The following MTMR7 variants were observed in gnomAD, a reference collection of about 807,000 sequenced individuals.
The protein encoded by MTMR7 is phosphatidylinositol-3-phosphate phosphatase MTMR7.
MTMR7 carries 76 observed loss-of-function variants against 81.2 expected under a neutral mutation model. That is an observed-to-expected ratio of 0.94 (90% CI 0.78 to 1.13). The LOEUF (loss-of-function observed/expected upper bound fraction) is 1.13. Ranked by LOEUF, MTMR7 falls within the 50% of genes most tolerant of loss-of-function variation. MTMR7 has a pLI of 0.00. For missense variants in MTMR7, 1,044 were observed against 820.0 expected, an observed-to-expected ratio of 1.27 and a Z score of -3.34; for synonymous variants, 372 against 289.8, an observed-to-expected ratio of 1.28 and a Z score of -2.88.
rs1216154048 is a variant in MTMR7, at chr8:17,408,313, C to T, written c.24+4956G>A. Among the ~76,000 whole-genome samples, 2 of 65,674 alleles carry T rather than the reference C, an allele frequency of 3.0e-5. 1 individual carries two copies. Among genetic ancestry groups the T allele is most frequent in the Non-Finnish European group, 8.8e-5 (2 of 22,828 alleles). 43.1% of individuals were successfully genotyped at this position (65,674 alleles called of 152,430 possible). On this transcript the variant is annotated intron_variant, in intron 1 of 13. Coordinates refer to ENST00000180173, the MANE Select transcript of MTMR7 (RefSeq NM_004686.5). ...CTGAGGCAGGAGAATGGCGTGAACC[C>T]GGGAGGCGGAGCTTGCAGTGAGCCG...
chr8:17,342,858 A>G (rs1819443807), intron 5 of MTMR7, among the ~76,000 whole-genome samples: 1 of 152,020 alleles, frequency 6.6e-6, no homozygotes, highest in African/African-American at 2.4e-5. Flanking sequence ...TGGGGAGGAG[A>G]AAAAGATCAA....
At chr8:17,334,232 G>C (rs1819151198) in intron 6 of MTMR7, among the ~76,000 whole-genome samples, 1 of 152,166 alleles carries the variant, frequency 6.6e-6, no homozygotes, top group Admixed American at 6.5e-5. Context: ...TGTAGCAAAA[G>C]CTGAACCCTC....
chr8:17,402,626 T>C (rs1026085530), intron 1 of MTMR7, among the ~76,000 whole-genome samples: 4 of 152,206 alleles, frequency 2.6e-5, no homozygotes, highest in Non-Finnish European at 4.4e-5. Context: ...TACTCCATTG[T>C]ATATATGTAC....
chr8:17,364,021 A>T (rs868055755), intron 3 of MTMR7, among the ~76,000 whole-genome samples: 4,302 of 69,634 alleles, frequency 0.062, 230 homozygotes, highest in African/African-American at 0.15. Flanking sequence ...TGTTGCTATT[A>T]TTTTTTTTTT....
Position 17,333,447 on chromosome 8 carries a change from T to A in MTMR7, c.733-2165A>T, listed in dbSNP as rs372064659. ...ATCATAAATAAAATTAATAGGAGAT[T>A]TGAAAGTATCCTTACGTGACATGAA... On this transcript the variant is annotated intron_variant, in intron 6 of 13. Transcript: ENST00000180173. Among the ~76,000 whole-genome samples the A allele has an allele frequency of 2.0e-5, 3 of 152,218 alleles. No homozygotes were observed. The South Asian group carries it at 6.2e-4, about 32-fold the overall frequency.
intron 7 of MTMR7, among the ~76,000 whole-genome samples, chr8:17,319,173 C>T (rs1023276826): frequency 6.6e-6 from 1 of 152,224 alleles, no homozygotes; most frequent in African/African-American, 2.4e-5. Context: ...GACACAGCTG[C>T]ACTCAAACTC....
At chr8:17,320,298 A>C (rs1222658251) in intron 7 of MTMR7, among the ~76,000 whole-genome samples, 1 of 152,194 alleles carries the variant, frequency 6.6e-6, no homozygotes, top group Non-Finnish European at 1.5e-5. Flanking sequence ...AAAAGTCTTC[A>C]AACATTTTTG....
intron 4 of MTMR7, among the ~76,000 whole-genome samples, chr8:17,351,960 G>A (rs1470285004): frequency 6.6e-6 from 1 of 152,142 alleles, no homozygotes; most frequent in African/African-American, 2.4e-5. Flanking sequence ...AAAGACACAA[G>A]TAAATGGTAA....
intron 5 of MTMR7, 64 bp from the exon 6 acceptor site, chr8:17,341,561 CGT>C (rs1362549253): frequency 8.3e-6 from 13 of 1,561,976 alleles, no homozygotes; most frequent in Middle Eastern, 3.8e-4. Flanking sequence ...AGACACTCTA[CGT>C]GTGTCTCCAG....
chr8:17,375,050 C>A (rs1296511631), intron 1 of MTMR7, among the ~76,000 whole-genome samples: 10 of 152,160 alleles, frequency 6.6e-5, no homozygotes, highest in Non-Finnish European at 1.3e-4. Context: ...GATCGCACCA[C>A]TGCACCCCAG....
chr8:17,306,053 C>A (rs1289662763), intron 10 of MTMR7, 96 bp from the exon 11 acceptor site: 5 of 901,874 alleles, frequency 5.5e-6, no homozygotes, highest in African/African-American at 1.7e-5. Flanking sequence ...ACCCTAGTTC[C>A]TAAATAAATC....
At chr8:17,369,792 C>A (rs1022441960) in intron 3 of MTMR7, among the ~76,000 whole-genome samples, 2 of 151,784 alleles carry the variant, frequency 1.3e-5, no homozygotes, top group African/African-American at 4.8e-5. Context: ...ACTACAGGCG[C>A]ACACTGCCAC....
intron 7 of MTMR7, among the ~76,000 whole-genome samples, chr8:17,323,208 C>A (rs527524444): frequency 1.6e-4 from 24 of 151,958 alleles, no homozygotes; most frequent in Admixed American, 3.3e-4. Context: ...CAGCCTCCCA[C>A]AGTGCTGAGA....
At chr8:17,347,705 C>G (rs1315529877) in intron 5 of MTMR7, among the ~76,000 whole-genome samples, 1 of 152,178 alleles carries the variant, frequency 6.6e-6, no homozygotes, top group Non-Finnish European at 1.5e-5. Context: ...GTGCCAAAGA[C>G]CATTCTTGCT....
chr8:17,359,957 T>C (rs1554514297), intron 4 of MTMR7, among the ~76,000 whole-genome samples: 1 of 152,098 alleles, frequency 6.6e-6, no homozygotes, highest in African/African-American at 2.4e-5. Context: ...TGCTATCTTT[T>C]AAAAAAATTA....
intron 7 of MTMR7, among the ~76,000 whole-genome samples, chr8:17,315,918 T>C (rs1161893496): frequency 6.6e-6 from 1 of 152,148 alleles, no homozygotes; most frequent in African/African-American, 2.4e-5. Context: ...GAGGCTGAGT[T>C]GAGAGGATCA....
chr8:17,394,896 G>C (rs1192686057), intron 1 of MTMR7, among the ~76,000 whole-genome samples: 1 of 151,996 alleles, frequency 6.6e-6, no homozygotes, highest in African/African-American at 2.4e-5. Context: ...TTATGTGCCA[G>C]GAAATGTATT....
At chr8:17,349,806 A>G (rs1249561432) in intron 4 of MTMR7, among the ~76,000 whole-genome samples, 1 of 152,170 alleles carries the variant, frequency 6.6e-6, no homozygotes. Context: ...AGTGACTACC[A>G]CAGTGGAAGG....
chr8:17,355,068 G>A (rs149351771), intron 4 of MTMR7, among the ~76,000 whole-genome samples: 166 of 152,248 alleles, frequency 1.1e-3, no homozygotes, highest in African/African-American at 3.7e-3. Context: ...CTATATATGA[G>A]TCATGTTTAT....
Sources: gnomAD v4.1 joint callset for allele counts (sites outside exome capture counted in the v4.1 genomes callset) on GRCh38, gnomAD v4.1.1 for gene constraint, MANE v1.5 for transcripts, NCBI Gene and HGNC (gene_info 2026-07-23, HGNC 2026-07-21) for gene names.